ENTREP2: variants seen among roughly 807,000 people sequenced by gnomAD.
ENTREP2 encodes endosomal transmembrane epsin interactor 2.
the ENTREP2 span, among the ~76,000 whole-genome samples, chr15:29,520,883 G>A: frequency 6.6e-6 from 1 of 152,130 alleles, no homozygotes; most frequent in African/African-American, 2.4e-5. Flanking sequence ...CCTGTACACT[G>A]TAAACTACAA....
the ENTREP2 span, among the ~76,000 whole-genome samples, chr15:29,457,690 A>G: frequency 3.3e-5 from 5 of 152,214 alleles, no homozygotes; most frequent in Non-Finnish European, 4.4e-5. Flanking sequence ...TCACTTCCCC[A>G]TCAGCATGAA....
chr15:29,270,187 A>G, the ENTREP2 span, among the ~76,000 whole-genome samples: 1 of 151,986 alleles, frequency 6.6e-6, no homozygotes, highest in Non-Finnish European at 1.5e-5. Context: ...ATTTATTTCT[A>G]CACAAAATGT....
chr15:29,301,148 T>A, the ENTREP2 span, among the ~76,000 whole-genome samples: 1 of 152,040 alleles, frequency 6.6e-6, no homozygotes, highest in Non-Finnish European at 1.5e-5. Flanking sequence ...TCAACAGGAG[T>A]TTTTTGACAG....
the ENTREP2 span, among the ~76,000 whole-genome samples, chr15:29,622,071 G>A: frequency 6.6e-6 from 1 of 152,154 alleles, no homozygotes; most frequent in South Asian, 2.1e-4. Context: ...CAGTGGGGAG[G>A]GGATGGGGAC....
the ENTREP2 span, among the ~76,000 whole-genome samples, chr15:29,361,189 T>C: frequency 6.6e-6 from 1 of 152,218 alleles, no homozygotes; most frequent in Non-Finnish European, 1.5e-5. Context: ...TCTGAATCAG[T>C]CTTCTCCTAC....
At chr15:29,172,174 T>C in the ENTREP2 span, among the ~76,000 whole-genome samples, 1 of 152,036 alleles carries the variant, frequency 6.6e-6, no homozygotes, top group Non-Finnish European at 1.5e-5. Flanking sequence ...TAGTGGGCCC[T>C]CCAAAATCCA....
chr15:29,296,691 T>C, the ENTREP2 span, among the ~76,000 whole-genome samples: 1 of 152,170 alleles, frequency 6.6e-6, no homozygotes, highest in Non-Finnish European at 1.5e-5. Context: ...AACAACTGGA[T>C]TGGGATATGT....
chr15:29,329,158 C>T, the ENTREP2 span, among the ~76,000 whole-genome samples: 2 of 151,874 alleles, frequency 1.3e-5, no homozygotes, highest in Non-Finnish European at 2.9e-5. Flanking sequence ...GTCAGGGGAT[C>T]GAGACCATCC....
At chr15:29,573,635 C>CTT in the ENTREP2 span, among the ~76,000 whole-genome samples, 5 of 139,554 alleles carry the variant, frequency 3.6e-5, no homozygotes, top group East Asian at 2.6e-4. Context: ...TCTCTTCTCT[C>CTT]TCTCTCCCCC....
chr15:29,230,865 G>A, the ENTREP2 span, among the ~76,000 whole-genome samples: 1 of 152,094 alleles, frequency 6.6e-6, no homozygotes, highest in Non-Finnish European at 1.5e-5. Flanking sequence ...AAGGCTATGG[G>A]AAGCAATTAA....
chr15:29,199,395 G>A, the ENTREP2 span, among the ~76,000 whole-genome samples: 1 of 152,204 alleles, frequency 6.6e-6, no homozygotes, highest in Non-Finnish European at 1.5e-5. Context: ...AATGGGAAAA[G>A]GATGTCCTAG....
chr15:29,168,156 A>T, the ENTREP2 span, among the ~76,000 whole-genome samples: 1 of 152,152 alleles, frequency 6.6e-6, no homozygotes, highest in South Asian at 2.1e-4. Context: ...ATACAAAAGC[A>T]TAAGAATGAT....
the ENTREP2 span, among the ~76,000 whole-genome samples, chr15:29,315,111 A>C: frequency 6.6e-6 from 1 of 152,226 alleles, no homozygotes; most frequent in East Asian, 1.9e-4. Flanking sequence ...ATAAATGGAA[A>C]GAAATATATT....
chr15:29,579,860 G>A, the ENTREP2 span, among the ~76,000 whole-genome samples: 18 of 151,666 alleles, frequency 1.2e-4, no homozygotes, highest in East Asian at 1.9e-4. Flanking sequence ...ACAGATGTCC[G>A]CCACCACACC....
the ENTREP2 span, among the ~76,000 whole-genome samples, chr15:29,594,815 T>C: frequency 6.6e-6 from 1 of 151,678 alleles, no homozygotes; most frequent in Non-Finnish European, 1.5e-5. Context: ...ATTTAAAAAT[T>C]AGTCACTTTG....
At chr15:29,582,972 A>T in the ENTREP2 span, among the ~76,000 whole-genome samples, 2 of 152,126 alleles carry the variant, frequency 1.3e-5, no homozygotes, top group African/African-American at 2.4e-5. Flanking sequence ...AAGATTTGAA[A>T]TTGCACATTA....
At chr15:29,490,286 G>A in the ENTREP2 span, among the ~76,000 whole-genome samples, 3 of 152,230 alleles carry the variant, frequency 2.0e-5, no homozygotes, top group Admixed American at 6.5e-5. Context: ...CAAAGCTGCA[G>A]AACTTCGCTG....
the ENTREP2 span, among the ~76,000 whole-genome samples, chr15:29,430,208 C>G: frequency 6.6e-6 from 1 of 152,274 alleles, no homozygotes; most frequent in African/African-American, 2.4e-5. Context: ...CCTCCCATGG[C>G]TGGCTCCACT....
At chr15:29,238,456 T>C in the ENTREP2 span, among the ~76,000 whole-genome samples, 5 of 151,750 alleles carry the variant, frequency 3.3e-5, no homozygotes, top group South Asian at 2.1e-4. Context: ...CACAGTGAAA[T>C]CCCATCTCTA....
Sources: gnomAD v4.1 joint callset for allele counts (sites outside exome capture counted in the v4.1 genomes callset) on GRCh38, gnomAD v4.1.1 for gene constraint, MANE v1.5 for transcripts, NCBI Gene and HGNC (gene_info 2026-07-23, HGNC 2026-07-21) for gene names.